GALNT18: variants seen among roughly 807,000 people sequenced by gnomAD.
GALNT18 encodes the protein polypeptide N-acetylgalactosaminyltransferase 18.
In GALNT18, 44 loss-of-function variants were observed where a neutral mutation model predicts 69.5. The ratio of observed to expected loss-of-function variants is 0.63; its 90% CI spans 0.50 to 0.81. The LOEUF (loss-of-function observed/expected upper bound fraction) is 0.81, where lower values mean the gene tolerates loss of function less well. Among genes scored for constraint, GALNT18 ranks in the 40% least tolerant of loss-of-function variants. The pLI, the probability that GALNT18 is intolerant of heterozygous loss-of-function variation, is 0.00. For synonymous variants in GALNT18, 364 were observed against 318.2 expected, an observed-to-expected ratio of 1.14 and a Z score of -1.53; for missense variants, 715 against 810.0, an observed-to-expected ratio of 0.88 and a Z score of 1.42.
chr11:11,367,231 A>T (rs1169172334), intron 6 of GALNT18, among the ~76,000 whole-genome samples: 2 of 152,188 alleles, frequency 1.3e-5, no homozygotes, highest in Non-Finnish European at 2.9e-5. Flanking sequence ...ATGAAGAATA[A>T]CAACAATCAT....
In GALNT18 at chr11:11,555,203, C is replaced by A. The variant is rs75454592; in HGVS notation, c.235+66156G>T. Among the ~76,000 whole-genome samples the A allele has an allele frequency of 0.079, 12,091 of 152,214 alleles. 674 individuals are homozygous for A. The highest frequency in any genetic ancestry group is 0.17 in the South Asian group (815 of 4,810). On this transcript the variant is annotated intron_variant, in intron 1 of 10. Transcript: ENST00000227756. The surrounding 1 kb of genome is among the most constrained non-coding windows in gnomAD (Gnocchi z 4.7). ...GATGGGCTGCTCAGGGCGGGGGTGC[C>A]TATCCCCACCCCACCATTCATGCCA...
intron 1 of GALNT18, among the ~76,000 whole-genome samples, chr11:11,519,930 G>A (rs974553864): frequency 1.3e-5 from 2 of 152,220 alleles, no homozygotes; most frequent in Non-Finnish European, 2.9e-5. Flanking sequence ...TGACAGAGGT[G>A]GGTTTTTATG....
chr11:11,475,452 G>A (rs895139883), intron 1 of GALNT18: 1 of 152,204 alleles, frequency 6.6e-6, no homozygotes, highest in East Asian at 1.9e-4. Flanking sequence ...AAGCTTAAGA[G>A]CATGGCTCCT....
Position 11,518,585 on chromosome 11 carries a change from C to T in GALNT18, c.236-69649G>A, listed in dbSNP as rs56280704. Among the ~76,000 whole-genome samples the T allele has an allele frequency of 9.5e-3, 1,451 of 152,276 alleles. 16 individuals carry two copies. Among genetic ancestry groups the T allele is most frequent in the South Asian group, 0.026 (127 of 4,826 alleles). On this transcript the variant is annotated intron_variant, in intron 1 of 10. Coordinates refer to ENST00000227756, the MANE Select transcript of GALNT18 (RefSeq NM_198516.3). The stretch of plus-strand genomic sequence containing the variant: ...GGCATGCCAGATCCTGGCATCTAAA[C>T]CAAAACAGTGAGGGTTGCTCTTGGT...
chr11:11,542,629 T>C lies in GALNT18; in HGVS notation c.235+78730A>G, dbSNP rs113500004. On this transcript the variant is annotated intron_variant, in intron 1 of 10. Coordinates refer to ENST00000227756, the MANE Select transcript of GALNT18 (RefSeq NM_198516.3). The surrounding 1 kb of genome is among the most constrained non-coding windows in gnomAD (Gnocchi z 4.3). ...AGAGTAAAGAGGTCAAGAACATTGA[T>C]TCTGGACTTAGGCAGCATGGGTTCA... Among the ~76,000 whole-genome samples the C allele has an allele frequency of 2.2e-4, 33 of 152,328 alleles. No individual in the cohort carries two copies. The highest frequency in any genetic ancestry group is 7.5e-4 in the African/African-American group (31 of 41,584).
At chr11:11,519,686 C>G (rs1417053320) in intron 1 of GALNT18, among the ~76,000 whole-genome samples, 4 of 152,198 alleles carry the variant, frequency 2.6e-5, no homozygotes, top group Non-Finnish European at 4.4e-5. Flanking sequence ...CTGCTGCCAC[C>G]ACCTTCCAGG....
intron 1 of GALNT18, among the ~76,000 whole-genome samples, chr11:11,468,850 C>T (rs920393812): frequency 1.5e-4 from 23 of 152,288 alleles, no homozygotes; most frequent in African/African-American, 3.6e-4. Context: ...TATAAACCAC[C>T]GAAAGAAGGA....
intron 10 of GALNT18, among the ~76,000 whole-genome samples, chr11:11,272,768 T>C (rs1050954451): frequency 1.3e-5 from 2 of 151,934 alleles, no homozygotes; most frequent in African/African-American, 4.9e-5. Context: ...CTCCTCAGTC[T>C]ACAAGCTGGG....
Position 11,601,393 on chromosome 11 carries a change from A to G in GALNT18, c.235+19966T>C, listed in dbSNP as rs138751559. ...AAGGTGAAACCTTAGGCATGTGCAC[A>G]GTGTCCTGATTCTCCCTATCGAACC... On this transcript the variant is annotated intron_variant, in intron 1 of 10. Transcript: ENST00000227756. This position sits in a 1 kb window ranked among gnomAD's most constrained non-coding sequence, Gnocchi z 4.0. 3.9e-5 allele frequency among the ~76,000 whole-genome samples: 6 copies of G among 152,330 alleles called. No homozygotes were observed. The highest frequency in any genetic ancestry group is 8.8e-5 in the Non-Finnish European group (6 of 68,028).
intron 9 of GALNT18, among the ~76,000 whole-genome samples, chr11:11,308,940 T>C (rs1435762630): frequency 6.6e-6 from 1 of 151,986 alleles, no homozygotes; most frequent in Non-Finnish European, 1.5e-5. Flanking sequence ...CTACTTTACC[T>C]CTGAAGTCTA....
chr11:11,420,733 G>T (rs1017046749), intron 3 of GALNT18, among the ~76,000 whole-genome samples: 16 of 152,244 alleles, frequency 1.1e-4, no homozygotes, highest in African/African-American at 3.9e-4. Flanking sequence ...TTTCCTGCTG[G>T]CTGCACTGTG....
At chr11:11,334,813 A>C (rs577469563) in intron 7 of GALNT18, among the ~76,000 whole-genome samples, 1 of 152,266 alleles carries the variant, frequency 6.6e-6, no homozygotes, top group African/African-American at 2.4e-5. Context: ...GGAAACTTCC[A>C]TCAGACTCAC....
chr11:11,485,382 G>T (rs1407154921), intron 1 of GALNT18, among the ~76,000 whole-genome samples: 1 of 152,124 alleles, frequency 6.6e-6, no homozygotes, highest in Non-Finnish European at 1.5e-5. Flanking sequence ...TGCTAGGGTG[G>T]CTCACAGAAC....
At chr11:11,524,056 T>C (rs1305877756) in intron 1 of GALNT18, among the ~76,000 whole-genome samples, 2 of 151,986 alleles carry the variant, frequency 1.3e-5, no homozygotes, top group African/African-American at 4.8e-5. Context: ...AAGTCTTAAA[T>C]CAAATACTTG....
At chr11:11,419,572 G>A (rs968941675) in intron 3 of GALNT18, among the ~76,000 whole-genome samples, 1 of 118,710 alleles carries the variant, frequency 8.4e-6, no homozygotes, top group African/African-American at 3.4e-5. Context: ...ACTCTAGCCT[G>A]GGCAACAAAG....
chr11:11,313,451 T>C (rs1186052153), intron 9 of GALNT18, among the ~76,000 whole-genome samples: 1 of 152,220 alleles, frequency 6.6e-6, no homozygotes, highest in Non-Finnish European at 1.5e-5. Context: ...GAGAAGAGTA[T>C]GCCTGGGTAG....
intron 8 of GALNT18, among the ~76,000 whole-genome samples, chr11:11,329,201 G>C (rs1451283178): frequency 6.6e-6 from 1 of 152,168 alleles, no homozygotes; most frequent in African/African-American, 2.4e-5. Flanking sequence ...CTTAGCATAA[G>C]GCCTGGCAAA....
intron 1 of GALNT18, among the ~76,000 whole-genome samples, chr11:11,492,599 G>C (rs1856795429): frequency 6.6e-6 from 1 of 152,168 alleles, no homozygotes; most frequent in Admixed American, 6.5e-5. Context: ...CCTTTGCAGG[G>C]ACATGGATGA....
Position 11,356,908 on chromosome 11 carries a change from C to T in GALNT18, c.1092+15607G>A, listed in dbSNP as rs10831602. 0.21 allele frequency among the ~76,000 whole-genome samples: 31,393 copies of T among 152,080 alleles called. 3,757 individuals carry two copies. The highest frequency in any genetic ancestry group is 0.37 in the East Asian group (1,903 of 5,152). On this transcript the variant is annotated intron_variant, in intron 6 of 10. Coordinates refer to ENST00000227756, the MANE Select transcript of GALNT18 (RefSeq NM_198516.3). The surrounding 1 kb of genome is among the most constrained non-coding windows in gnomAD (Gnocchi z 4.4). ...TTCACTAACCATAAAACTTTTACAA[C>T]GTACTTTTAAACTGCGTCTACTCAG...
Sources: allele counts gnomAD v4.1 joint callset (sites outside exome capture counted in the v4.1 genomes callset), GRCh38; gene constraint gnomAD v4.1.1; non-coding constraint Gnocchi (gnomAD v3.1); transcripts MANE v1.5; gene names NCBI Gene and HGNC (gene_info 2026-07-23, HGNC 2026-07-21).